The following KIAA1755 variants were observed in gnomAD, a reference collection of about 807,000 sequenced individuals.
The protein encoded by KIAA1755 is KIAA1755.
Under a neutral mutation model 91.7 loss-of-function variants are expected in KIAA1755, and 68 were observed. That is an observed-to-expected ratio of 0.74 (90% CI 0.61 to 0.91). The LOEUF (loss-of-function observed/expected upper bound fraction) is 0.91, where lower values mean the gene tolerates loss of function less well. Among genes scored for constraint, KIAA1755 ranks in the 40% least tolerant of loss-of-function variants. KIAA1755 has a pLI of 0.00. For synonymous variants in KIAA1755, 610 were observed against 604.6 expected, an observed-to-expected ratio of 1.01 and a Z score of -0.13; for missense variants, 1,535 against 1,494.4, an observed-to-expected ratio of 1.03 and a Z score of -0.45.
At position 38,211,214 on chromosome 20, in the gene KIAA1755, G is replaced by A. The variant is rs972747528; in HGVS notation, c.*1828C>T. On this transcript the variant is annotated 3_prime_UTR_variant, in exon 14 of 14. Transcript: ENST00000279024. The stretch of plus-strand genomic sequence containing the variant: ...CCTGAAGCCATTTTAGGTATCAAGT[G>A]TGTGACTCTTGGCTGAGACAGCTCC... The A allele has an allele frequency of 2.0e-5, 3 of 152,270 alleles. No homozygotes were observed. Among genetic ancestry groups the A allele is most frequent in the African/African-American group, 4.8e-5 (2 of 41,452 alleles). The allele number at this position is 152,270 out of a possible 1,614,324, so 9.4% of individuals were successfully genotyped here.
At position 38,260,555 on chromosome 20, in the gene KIAA1755, G is replaced by C; in HGVS notation, c.-55C>G. On this transcript the variant is annotated 5_prime_UTR_variant, in exon 1 of 14. Transcript: ENST00000279024. ...GGCTCCTCTCCTGGGCGCGGGGTCT[G>C]TGGGTCCGCGGGTCCGTCTGTCTGG... 6 of 1,480,928 alleles carry C rather than the reference G, an allele frequency of 4.1e-6. No individual in the cohort carries two copies. The highest frequency in any genetic ancestry group is 5.4e-6 in the Non-Finnish European group (6 of 1,118,800). The allele number at this position is 1,480,928 out of a possible 1,614,324, so 91.7% of individuals were successfully genotyped here. A position where few individuals can be genotyped will look rare whatever the true frequency, so the allele number is the denominator to read the frequency against.
chr20:38,225,871 T>C, intron 7 of KIAA1755, 90 bp from the exon 8 acceptor site: 1 of 677,518 alleles, frequency 1.5e-6, no homozygotes. Flanking sequence ...CCAGCACCAG[T>C]TCATTTCCCA....
intron 11 of KIAA1755, 94 bp downstream of exon 11, chr20:38,219,536 A>G (rs925902640): frequency 7.9e-6 from 12 of 1,524,182 alleles, no homozygotes; most frequent in Non-Finnish European, 1.1e-5. Context: ...CTCCAGAACA[A>G]AGCACCTGAC....
At position 38,239,564 on chromosome 20, in the gene KIAA1755, C is replaced by A; in HGVS notation, c.1711G>T (p.Val571Phe). ...GPEPRIGALG[V>F]KVFRSRIACL... ...GCTATCCTGGAGCGGAAAACCTTGA[C>A]ACCTAGAGCCCCAATCCTGGGCTCA... Residue 571 changes from valine (V) to phenylalanine (F), a missense_variant, in exon 4 of 14, where the codon GTC becomes TTC. Coordinates refer to ENST00000279024, the MANE Select transcript of KIAA1755 (RefSeq NM_001029864.2). 5 of 1,613,432 alleles carry A rather than the reference C, an allele frequency of 3.1e-6. No homozygotes were observed. The highest frequency in any genetic ancestry group is 4.2e-6 in the Non-Finnish European group (5 of 1,179,684).
Position 38,222,438 on chromosome 20 carries a change from G to A in KIAA1755, c.2417+11C>T. ...GATGGGGTGGAAGAGGAAAGGCCTG[G>A]ACGTCTGTACCTGACATCAGGGCTG... is the stretch of plus-strand genomic sequence containing the variant. On this transcript the variant is annotated intron_variant, in intron 10 of 13. Transcript: ENST00000279024. 1.2e-6 allele frequency: 2 copies of A among 1,611,044 alleles called. No homozygotes were observed.
intron 1 of KIAA1755, among the ~76,000 whole-genome samples, chr20:38,255,143 C>T (rs1247565487): frequency 3.3e-5 from 5 of 151,940 alleles, no homozygotes; most frequent in African/African-American, 9.7e-5. Flanking sequence ...GGCCACTGCA[C>T]CCCAGCCTGG....
Position 38,225,748 on chromosome 20 carries a change from G to A in KIAA1755, c.2086C>T (p.His696Tyr). ...GGCAGCTGGCTGGGGTCCACATGGTGGCTGAGGGCCTTCAATGAGGTCAGC... is the reference window on the plus strand; with the variant it reads ...GGCAGCTGGCTGGGGTCCACATGGTAGCTGAGGGCCTTCAATGAGGTCAGC... ...EVLTSLKALSHHVDPSQLPAV... is the reference protein window; with the variant it reads ...EVLTSLKALSYHVDPSQLPAV... Residue 696 changes from histidine to tyrosine, a missense_variant, in exon 8 of 14, where the codon CAC (histidine) becomes TAC (tyrosine). Coordinates refer to ENST00000279024, the MANE Select transcript of KIAA1755 (RefSeq NM_001029864.2). 1 of 1,597,836 alleles carries A rather than the reference G, an allele frequency of 6.3e-7. No individual in the cohort carries two copies. Among genetic ancestry groups the A allele is most frequent in the Non-Finnish European group, 8.5e-7 (1 of 1,173,010 alleles).
intron 8 of KIAA1755, chr20:38,225,440 A>T (rs1488486624): frequency 1.8e-6 from 1 of 550,664 alleles, no homozygotes. Flanking sequence ...AGAGAAGGTA[A>T]GTAACTTATC....
intron 10 of KIAA1755, among the ~76,000 whole-genome samples, chr20:38,220,257 A>C (rs2075632459): frequency 6.6e-6 from 1 of 151,730 alleles, no homozygotes; most frequent in Non-Finnish European, 1.5e-5. Flanking sequence ...CCAGGCCAAC[A>C]AAGTCAGACT....
In KIAA1755 at chr20:38,231,309, G is replaced by T; in HGVS notation, c.1764C>A (p.Ala588=). 1.2e-6 allele frequency: 2 copies of T among 1,609,000 alleles called. No individual in the cohort carries two copies. The highest frequency in any genetic ancestry group is 1.7e-6 in the Non-Finnish European group (2 of 1,178,428). ...TTGACACCAGAAGCAGGGGCCGCCCGGCCCTGTCCCGGCCACCTGGAGGAC... is the reference window on the plus strand; with the variant it reads ...TTGACACCAGAAGCAGGGGCCGCCCTGCCCTGTCCCGGCCACCTGGAGGAC... ...IACLPGGRDR[A]GRPLLLVSTT... is the part of the protein sequence containing the mutation. Residue 588 remains alanine (A), a synonymous_variant, in exon 5 of 14, where the codon GCC becomes GCA. Transcript: ENST00000279024.
chr20:38,241,043 T>C lies in KIAA1755; in HGVS notation c.1088A>G (p.His363Arg). ...RRKVNLKAPTHNSERPPQGSY... is the reference protein window; with the variant it reads ...RRKVNLKAPTRNSERPPQGSY... ...GCCTTGGGGCGGCCTTTCTGAGTTG[T>C]GGGTGGGTGCTTTAAGATTGACCTT... The change falls in exon 3 of 14, where the codon CAC becomes CGC. Residue 363 changes from histidine to arginine, a missense_variant. Coordinates refer to ENST00000279024, the MANE Select transcript of KIAA1755 (RefSeq NM_001029864.2). The C allele has an allele frequency of 6.2e-7, 1 of 1,614,126 alleles. No homozygotes were observed. Among genetic ancestry groups the C allele is most frequent in the Non-Finnish European group, 8.5e-7 (1 of 1,180,028 alleles).
chr20:38,219,513 C>G, intron 11 of KIAA1755, 117 bp downstream of exon 11: 2 of 1,394,586 alleles, frequency 1.4e-6, no homozygotes, highest in Non-Finnish European at 2.0e-6. Context: ...GGATCGCCAG[C>G]TTGGTGTCCT....
At chr20:38,231,364 T>TG in intron 4 of KIAA1755, 39 bp from the exon 5 acceptor site, 1 of 1,569,588 alleles carries the variant, frequency 6.4e-7, no homozygotes, top group Non-Finnish European at 8.6e-7. Flanking sequence ...TGAGAACTTG[T>TG]GGGGGGCCCT....
intron 8 of KIAA1755, among the ~76,000 whole-genome samples, chr20:38,225,188 T>C (rs1259536559): frequency 6.6e-6 from 1 of 152,070 alleles, no homozygotes; most frequent in African/African-American, 2.4e-5. Flanking sequence ...TTTTAGTAGA[T>C]ATGAGGTTTT....
Position 38,219,788 on chromosome 20 carries a change from G to A in KIAA1755, c.2418-20C>T. The A allele has an allele frequency of 6.2e-7, 1 of 1,613,784 alleles. No homozygotes were observed. Among genetic ancestry groups the A allele is most frequent in the African/African-American group, 1.3e-5 (1 of 75,040 alleles). On this transcript the variant is annotated intron_variant, in intron 10 of 13. Coordinates refer to ENST00000279024, the MANE Select transcript of KIAA1755 (RefSeq NM_001029864.2). The stretch of plus-strand genomic sequence containing the variant: ...TGGCTCCTGGGAGGTGGGCGGAGGT[G>A]AGAAAAGGCCTCTGTTGCCCTCTTC...
At chr20:38,226,734 G>A (rs1277878531) in intron 7 of KIAA1755, among the ~76,000 whole-genome samples, 2 of 152,194 alleles carry the variant, frequency 1.3e-5, no homozygotes, top group African/African-American at 4.8e-5. Context: ...TACAGGAAGA[G>A]CAGGTGTGAC....
chr20:38,213,630 C>T lies in KIAA1755; in HGVS notation c.3015G>A (p.Leu1005=), dbSNP rs773824348. ...QRRLHRYLQR[L]ASEFPAEKLA... is the part of the protein sequence containing the mutation. The stretch of plus-strand genomic sequence containing the variant: ...GCTTCTCAGCAGGGAACTCAGATGC[C>T]AGTCGCTGCAGGTAGCGGTGGAGGC... The change falls in exon 14 of 14, where the codon CTG becomes CTA. Residue 1005 remains leucine, a synonymous_variant. Transcript: ENST00000279024. 1 of 1,611,152 alleles carries T rather than the reference C, an allele frequency of 6.2e-7. No individual in the cohort carries two copies. Among genetic ancestry groups the T allele is most frequent in the Non-Finnish European group, 8.5e-7 (1 of 1,178,684 alleles).
At chr20:38,225,428 T>C (rs918706430) in intron 8 of KIAA1755, 4 of 530,656 alleles carry the variant, frequency 7.5e-6, no homozygotes, top group Non-Finnish European at 1.3e-5. Flanking sequence ...AAACCAAGGC[T>C]CAGAGAAGGT....
Position 38,213,368 on chromosome 20 carries a change from G to A in KIAA1755, c.3277C>T (p.Pro1093Ser), listed in dbSNP as rs1021290005. Residue 1093 changes from proline (P) to serine (S), a missense_variant, in exon 14 of 14, where the codon CCT (proline) becomes TCT (serine). Pro to Ser is a moderately conservative substitution (Grantham distance 74). Transcript: ENST00000279024. The part of the protein sequence containing the change: ...EVTSKGRWDQ[P>S]PLDSLGMDHL... ...TCCATGCCCAGTGAGTCTAGTGGAGGCTGATCCCACCTCCCCTTGGAAGTG... is the reference window on the plus strand; with the variant it reads ...TCCATGCCCAGTGAGTCTAGTGGAGACTGATCCCACCTCCCCTTGGAAGTG... The A allele has an allele frequency of 8.7e-6, 14 of 1,606,250 alleles. No individual in the cohort carries two copies. The Admixed American group carries it at 2.2e-4, about 25-fold the overall frequency.
Sources: allele counts gnomAD v4.1 joint callset (sites outside exome capture counted in the v4.1 genomes callset), GRCh38; gene constraint gnomAD v4.1.1; transcripts MANE v1.5; gene names NCBI Gene and HGNC (gene_info 2026-07-23, HGNC 2026-07-21).